IQCK: variants seen among roughly 807,000 people sequenced by gnomAD.
IQCK encodes IQ domain-containing protein K.
Under a neutral mutation model 28.1 loss-of-function variants are expected in IQCK, and 29 were observed. The observed-to-expected ratio is 1.03, with a 90% CI of 0.77 to 1.41. IQCK has a LOEUF of 1.41. Among genes scored for constraint, IQCK ranks in the 40% most tolerant of loss-of-function variants. The pLI is 0.00. For synonymous variants in IQCK, 113 were observed against 115.1 expected (o/e 0.98, Z 0.12); for missense variants, 359 against 314.7 (o/e 1.14, Z -1.07).
intron 4 of IQCK, among the ~76,000 whole-genome samples, chr16:19,753,053 A>C (rs1441355365): frequency 8.3e-6 from 1 of 120,202 alleles, no homozygotes; most frequent in African/African-American, 5.6e-5. Context: ...CAAGTGTAGC[A>C]GAGAGAGAGA....
intron 4 of IQCK, among the ~76,000 whole-genome samples, chr16:19,759,755 A>T (rs2055110208): frequency 6.6e-6 from 1 of 152,154 alleles, no homozygotes; most frequent in Admixed American, 6.6e-5. Flanking sequence ...AGACGGGAGG[A>T]TCACTTGAGC....
chr16:19,783,336 A>AG (rs948978290), intron 6 of IQCK, among the ~76,000 whole-genome samples: 2 of 152,100 alleles, frequency 1.3e-5, no homozygotes, highest in African/African-American at 2.4e-5. Context: ...TTCACATTTG[A>AG]GAAAAAAAGG....
chr16:19,857,230 C>CA (rs2056573209), exon 10 of IQCK: 1 of 294,752 alleles, frequency 3.4e-6, no homozygotes, highest in African/African-American at 2.3e-5. Flanking sequence ...GACCGACCCT[C>CA]AAGGCAGATC....
intron 7 of IQCK, among the ~76,000 whole-genome samples, chr16:19,800,995 TTG>T (rs770318750): frequency 7.8e-6 from 1 of 127,484 alleles, no homozygotes; most frequent in Non-Finnish European, 1.5e-5. Flanking sequence ...GAGTGTGTGT[TTG>T]TGTGTGTGTG....
chr16:19,853,153 C>T (rs752178644), intron 9 of IQCK, among the ~76,000 whole-genome samples: 1 of 150,254 alleles, frequency 6.7e-6, no homozygotes, highest in East Asian at 1.9e-4. Context: ...CACTGTCAGA[C>T]TCAGTTCCAT....
At chr16:19,851,060 A>G (rs2056475597) in intron 9 of IQCK, among the ~76,000 whole-genome samples, 2 of 152,198 alleles carry the variant, frequency 1.3e-5, no homozygotes, top group South Asian at 4.1e-4. Flanking sequence ...ATATTTATCA[A>G]GTGCCTAACT....
At chr16:19,776,527 A>G (rs1255385084) in intron 6 of IQCK, among the ~76,000 whole-genome samples, 1 of 152,122 alleles carries the variant, frequency 6.6e-6, no homozygotes, top group African/African-American at 2.4e-5. Flanking sequence ...CAACATGGTG[A>G]AACTCCGTCT....
chr16:19,846,703 T>C (rs1223958583), intron 9 of IQCK, among the ~76,000 whole-genome samples: 1 of 152,198 alleles, frequency 6.6e-6, no homozygotes, highest in Non-Finnish European at 1.5e-5. Flanking sequence ...TGTCAAGAAA[T>C]GGAGGTAAAT....
chr16:19,850,619 G>A (rs566415828), intron 9 of IQCK, among the ~76,000 whole-genome samples: 9 of 152,200 alleles, frequency 5.9e-5, no homozygotes, highest in African/African-American at 1.7e-4. Flanking sequence ...AGTTCTCCCC[G>A]CAGTATGTGA....
At chr16:19,735,789 ACGGTGG>A (rs1379714923) in intron 4 of IQCK, 23 of 341,180 alleles carry the variant, frequency 6.7e-5, no homozygotes, top group Middle Eastern at 2.0e-3. Flanking sequence ...TTGGCCGGGC[ACGGTGG>A]CCCATGCCTA....
chr16:19,733,568 C>G, intron 2 of IQCK, 130 bp from the exon 3 acceptor site: 1 of 982,896 alleles, frequency 1.0e-6, no homozygotes, highest in Non-Finnish European at 1.5e-6. Context: ...AGACAAAGAT[C>G]TGTGCTCAGC....
chr16:19,759,748 C>A (rs995308721), intron 4 of IQCK, among the ~76,000 whole-genome samples: 6 of 152,056 alleles, frequency 3.9e-5, no homozygotes, highest in African/African-American at 1.4e-4. Flanking sequence ...AAGGCCGAGA[C>A]GGGAGGATCA....
exon 10 of IQCK, chr16:19,856,791 TC>T: frequency 2.0e-6 from 1 of 492,132 alleles, no homozygotes; most frequent in Non-Finnish European, 3.6e-6. Context: ...CCAGATTACT[TC>T]TTCAGTGCCT....
chr16:19,736,192 A>G (rs1342247925), intron 4 of IQCK: 1 of 455,694 alleles, frequency 2.2e-6, no homozygotes, highest in Non-Finnish European at 4.4e-6. Flanking sequence ...CTTGGAACAC[A>G]GTAAGTGCTC....
intron 1 of IQCK, among the ~76,000 whole-genome samples, chr16:19,728,943 C>T (rs1048306856): frequency 1.5e-4 from 23 of 152,172 alleles, no homozygotes; most frequent in African/African-American, 4.8e-4. Flanking sequence ...GCCCTCAATA[C>T]CGTCTTGCCC....
chr16:19,838,376 G>A (rs1005074004), intron 9 of IQCK, among the ~76,000 whole-genome samples: 2 of 152,138 alleles, frequency 1.3e-5, no homozygotes, highest in Non-Finnish European at 2.9e-5. Context: ...AAAAGAGTAG[G>A]GAGGTTTAAA....
chr16:19,778,270 T>G (rs142932941), intron 6 of IQCK, among the ~76,000 whole-genome samples: 51 of 152,328 alleles, frequency 3.3e-4, no homozygotes, highest in African/African-American at 1.2e-3. Context: ...TCCTTGTGAC[T>G]GGCATCTGTA....
In IQCK at chr16:19,730,422, C is replaced by A. The variant is rs1418650051; in HGVS notation, c.182-8C>A. 1 of 1,583,994 alleles carries A rather than the reference C, an allele frequency of 6.3e-7. No individual in the cohort carries two copies. The highest frequency in any genetic ancestry group is 1.2e-5 in the South Asian group (1 of 85,484). On this transcript the variant is annotated splice_polypyrimidine_tract_variant and splice_region_variant and intron_variant, in intron 1 of 7. Transcript: ENST00000564186. ...TGGAATTGAGGATTTTTTTTCCCTTCCCTTTAGAGTATGAAGCTGAGCAGC... is the reference window on the plus strand; with the variant it reads ...TGGAATTGAGGATTTTTTTTCCCTTACCTTTAGAGTATGAAGCTGAGCAGC...
chr16:19,830,276 A>G (rs1290117300), downstream of IQCK, among the ~76,000 whole-genome samples: 1 of 152,168 alleles, frequency 6.6e-6, no homozygotes, highest in African/African-American at 2.4e-5. Context: ...AAAGTGCAGC[A>G]TGCCTATTTC....
Sources: gnomAD v4.1 joint callset for allele counts (sites outside exome capture counted in the v4.1 genomes callset) on GRCh38, gnomAD v4.1.1 for gene constraint, MANE v1.5 for transcripts, NCBI Gene and HGNC (gene_info 2026-07-23, HGNC 2026-07-21) for gene names.